Variants in DGKK observed in about 807,000 individuals in gnomAD.
DGKK encodes 142 kDa diacylglycerol kinase.
Under a neutral mutation model 92.2 loss-of-function variants are expected in DGKK, and 35 were observed. The ratio of observed to expected loss-of-function variants is 0.38; its 90% CI spans 0.29 to 0.50. The LOEUF is 0.50. Ranked by LOEUF, DGKK falls within the 20% of genes least tolerant of loss-of-function variation. DGKK has a pLI of 0.92. For synonymous variants in DGKK, 368 were observed against 360.6 expected (o/e 1.02, Z -0.23); for missense variants, 910 against 992.2 (o/e 0.92, Z 1.11).
intron 9 of DGKK, 150 bp from the exon 10 acceptor site, chrX:50,392,599 G>T (rs1602274488): frequency 2.1e-6 from 1 of 468,446 alleles, no homozygotes; most frequent in South Asian, 3.3e-5. Context: ...CTGTCTGTGG[G>T]ATCTAAGACC....
At chrX:50,462,671 TG>T (rs1327690082) in intron 1 of DGKK, among the ~76,000 whole-genome samples, 2 of 108,368 alleles carry the variant, frequency 1.8e-5, no homozygotes, top group Non-Finnish European at 1.9e-5. Context: ...TTGGTGGAGG[TG>T]GGGGAGCATC....
chrX:50,463,465 A>C (rs1468237930), intron 1 of DGKK, among the ~76,000 whole-genome samples: 19 of 79,400 alleles, frequency 2.4e-4, no homozygotes, highest in African/African-American at 5.4e-4. Flanking sequence ...ACCTGCTCCT[A>C]CCTTCCTCTC....
At chrX:50,402,912 A>T in intron 7 of DGKK, 149 bp downstream of exon 7, 1 of 749,442 alleles carries the variant, frequency 1.3e-6, no homozygotes, top group Non-Finnish European at 1.8e-6. Flanking sequence ...GAAAGGCAGG[A>T]TACTAAGATT....
At chrX:50,436,489 A>G (rs1926030366) in intron 1 of DGKK, among the ~76,000 whole-genome samples, 2 of 112,336 alleles carry the variant, frequency 1.8e-5, no homozygotes, top group Admixed American at 1.9e-4. Context: ...CTTATTGGAA[A>G]TTATATCCTA....
chrX:50,372,411 G>A (rs2147116163), intron 25 of DGKK, among the ~76,000 whole-genome samples: 1 of 112,036 alleles, frequency 8.9e-6, no homozygotes, highest in Non-Finnish European at 1.9e-5. Context: ...TCAAAGACAT[G>A]TGGGGAGGCC....
chrX:50,379,710 G>A lies in DGKK; in HGVS notation c.2779C>T (p.Pro927Ser), dbSNP rs782507084. 1.3e-5 allele frequency: 16 copies of A among 1,208,725 alleles called. No individual in the cohort carries two copies. The Admixed American group carries it at 2.8e-4, about 21-fold the overall frequency. ...LECDGETISL[P>S]NLQGIVVLNI... Reference sequence around the variant, plus strand: ...AGCACTACAATGCCTTGCAGGTTTGGCAAGGAGATGGTTTCTCCATCACAC... The same window carrying A: ...AGCACTACAATGCCTTGCAGGTTTGACAAGGAGATGGTTTCTCCATCACAC... The change falls in exon 20 of 28, where the codon CCA becomes TCA. Residue 927 changes from proline to serine, a missense_variant. Transcript: ENST00000611977.
At position 50,376,098 on chromosome X, in the gene DGKK, T is replaced by C; in HGVS notation, c.3340A>G (p.Asn1114Asp). The change falls in exon 24 of 28, where the codon AAC becomes GAC. Residue 1114 changes from asparagine (N) to aspartate (D), a missense_variant. By Grantham distance (23) the Asn-to-Asp change is conservative (BLOSUM62 1). Transcript: ENST00000611977. ...CCGTAAAATATATCATTCAGGATGT[T>C]AGCGCTGGCATTCACAGAACCCATG... is the stretch of plus-strand genomic sequence containing the variant. ...VLMGSVNASANILNDIFYGQD... is the reference protein window; with the variant it reads ...VLMGSVNASADILNDIFYGQD... 8.3e-7 allele frequency: 1 copy of C among 1,211,298 alleles called. No individual in the cohort carries two copies. The highest frequency in any genetic ancestry group is 1.1e-6 in the Non-Finnish European group (1 of 895,196).
chrX:50,378,185 C>T lies in DGKK; in HGVS notation c.3024G>A (p.Val1008=). 8.3e-7 allele frequency: 1 copy of T among 1,210,800 alleles called. No individual in the cohort carries two copies. Among genetic ancestry groups the T allele is most frequent in the Non-Finnish European group, 1.1e-6 (1 of 894,945 alleles). The change falls in exon 22 of 28, where the codon GTG becomes GTA. Residue 1008 remains valine, a synonymous_variant. Transcript: ENST00000611977. ...ITIDGEEGIP[V]QVDGEAWIQR... ...GAATCCAGGCCTCCCCATCCACCTG[C>T]ACTGGGATACCTTCTTCACCATCAA...
In DGKK at chrX:50,403,498, T is replaced by A. The variant is rs1557226884; in HGVS notation, c.1178A>T (p.Asp393Val). 2 of 1,209,042 alleles carry A rather than the reference T, an allele frequency of 1.7e-6. No homozygotes were observed. Among genetic ancestry groups the A allele is most frequent in the Admixed American group, 2.2e-5 (1 of 46,068 alleles). Residue 393 changes from aspartate to valine, a missense_variant, in exon 6 of 28, where the codon GAT (aspartate) becomes GTT (valine). Physicochemically the swap from Asp to Val is radical, Grantham distance 152. Coordinates refer to ENST00000611977, the MANE Select transcript of DGKK (RefSeq NM_001013742.4). ...GACATGGCTAGTACTTACTACTTCATCTGCAGGCAGAAGGAGGTCATCAGT... is the reference window on the plus strand; with the variant it reads ...GACATGGCTAGTACTTACTACTTCAACTGCAGGCAGAAGGAGGTCATCAGT... ...SITDDLLLPA[D>V]EVNMPHQWVE...
At position 50,438,884 on chromosome X, in the gene DGKK, T is replaced by G. The variant is rs1331216539; in HGVS notation, c.646-14526A>C. ...TTAGGTCTGTTGCCATAAAGTAGCCTCCTACTTAATTTAACACTGCGGGGA... is the reference window on the plus strand; with the variant it reads ...TTAGGTCTGTTGCCATAAAGTAGCCGCCTACTTAATTTAACACTGCGGGGA... On this transcript the variant is annotated intron_variant, in intron 1 of 27. Transcript: ENST00000611977. Among the ~76,000 whole-genome samples the G allele has an allele frequency of 3.6e-5, 4 of 111,463 alleles. No individual in the cohort carries two copies. In the Admixed American group the frequency reaches 3.8e-4, roughly 11 times the overall value.
intron 1 of DGKK, among the ~76,000 whole-genome samples, chrX:50,459,540 T>C (rs1037809917): frequency 9.1e-6 from 1 of 110,473 alleles, no homozygotes; most frequent in Non-Finnish European, 1.9e-5. Flanking sequence ...AAGAAAGCCA[T>C]GAAGAGAACC....
chrX:50,459,947 T>G (rs1280783208), intron 1 of DGKK, among the ~76,000 whole-genome samples: 2 of 112,554 alleles, frequency 1.8e-5, no homozygotes, highest in African/African-American at 6.4e-5. Flanking sequence ...TAAAGCTACA[T>G]CATATTTTCC....
chrX:50,404,870 C>T (rs1925109326), intron 4 of DGKK, among the ~76,000 whole-genome samples: 1 of 111,028 alleles, frequency 9.0e-6, no homozygotes, highest in African/African-American at 3.3e-5. Flanking sequence ...CTTTAACTAC[C>T]TCCTGGAGGT....
At position 50,389,061 on chromosome X, in the gene DGKK, T is replaced by G. The variant is rs1228500460; in HGVS notation, c.1927-443A>C. 2.7e-5 allele frequency among the ~76,000 whole-genome samples: 3 copies of G among 111,738 alleles called. No individual in the cohort carries two copies. In the East Asian group the frequency reaches 8.4e-4, roughly 31 times the overall value. On this transcript the variant is annotated intron_variant, in intron 12 of 27. Transcript: ENST00000611977. The stretch of plus-strand genomic sequence containing the variant: ...GCTCTGTTCTAAGCTACATGTATAT[T>G]TTTTCATATAATCCTCATAACAACC...
At chrX:50,394,268 T>C (rs2147125508) in intron 8 of DGKK, among the ~76,000 whole-genome samples, 1 of 111,896 alleles carries the variant, frequency 8.9e-6, no homozygotes, top group South Asian at 3.8e-4. Flanking sequence ...AGAAGACCCA[T>C]TTGTTTTAGC....
intron 1 of DGKK, among the ~76,000 whole-genome samples, chrX:50,431,421 A>T (rs1419384209): frequency 9.0e-6 from 1 of 110,634 alleles, no homozygotes; most frequent in Non-Finnish European, 1.9e-5. Flanking sequence ...ACCCCCACCC[A>T]CTCAAAAAGT....
chrX:50,447,333 T>TATATATATATTATATATATATATA, intron 1 of DGKK, among the ~76,000 whole-genome samples: 1 of 26,290 alleles, frequency 3.8e-5, no homozygotes, highest in Non-Finnish European at 6.2e-5. Flanking sequence ...TATGTATATA[T>TATATATATATTATATATATATATA]ATATATATAT....
intron 4 of DGKK, among the ~76,000 whole-genome samples, chrX:50,404,606 C>T (rs184110901): frequency 2.7e-5 from 3 of 109,574 alleles, no homozygotes; most frequent in East Asian, 2.9e-4. Flanking sequence ...CCACCACGCC[C>T]GGCTAATTTT....
rs1211053277 is a variant in DGKK at position 50,470,324 on chromosome X, T to G, written c.355A>C (p.Thr119Pro). The change falls in exon 1 of 28, where the codon ACA becomes CCA. Residue 119 changes from threonine (T) to proline (P), a missense_variant. Transcript: ENST00000611977. ...GGAGTCGGCTCTGGGGCAGACTCTG[T>G]GGCAGGTTCTGGGGCCGGTTCTGGG... ...PAPEPAPEPA[T>P]ESAPEPTPEP... 1 of 1,199,843 alleles carries G rather than the reference T, an allele frequency of 8.3e-7. No homozygotes were observed. The highest frequency in any genetic ancestry group is 3.0e-5 in the East Asian group (1 of 33,488).
Sources: allele counts gnomAD v4.1 joint callset (sites outside exome capture counted in the v4.1 genomes callset), GRCh38; gene constraint gnomAD v4.1.1; transcripts MANE v1.5; gene names NCBI Gene and HGNC (gene_info 2026-07-23, HGNC 2026-07-21).